EIF2B3: variants seen among roughly 807,000 people sequenced by gnomAD.
EIF2B3 encodes the protein eukaryotic translation initiation factor 2B subunit gamma.
In EIF2B3, 20 loss-of-function variants were observed where a neutral mutation model predicts 54.1. The observed-to-expected ratio is 0.37, with a 90% confidence interval of 0.26 to 0.54. The LOEUF is 0.54. EIF2B3 is among the 20% of genes least tolerant of loss of function. EIF2B3 has a pLI of 0.86. For missense variants in EIF2B3, 448 were observed against 547.8 expected (o/e 0.82, Z 1.82); for synonymous variants, 153 against 188.1 (o/e 0.81, Z 1.52).
chr1:44,930,632 C>T (rs550843737), intron 4 of EIF2B3, among the ~76,000 whole-genome samples: 1 of 152,202 alleles, frequency 6.6e-6, no homozygotes, highest in South Asian at 2.1e-4. Context: ...CTGAGGCTCT[C>T]CCTATATATT....
chr1:44,902,835 A>G (rs80215011), intron 5 of EIF2B3, among the ~76,000 whole-genome samples: 1 of 124,088 alleles, frequency 8.1e-6, no homozygotes, highest in Non-Finnish European at 1.5e-5. Flanking sequence ...TCTTTAAAAA[A>G]AAAAAAAAAA....
At chr1:44,981,330 G>C (rs1013634530) in intron 1 of EIF2B3, among the ~76,000 whole-genome samples, 153 bp from the exon 2 acceptor site, 7 of 152,120 alleles carry the variant, frequency 4.6e-5, no homozygotes, top group Non-Finnish European at 1.0e-4. Flanking sequence ...GAAAAGCTTA[G>C]CTGCAGATAA....
At chr1:44,978,260 CAT>C in intron 3 of EIF2B3, 53 bp downstream of exon 3, 7 of 1,593,312 alleles carry the variant, frequency 4.4e-6, no homozygotes, top group Non-Finnish European at 6.0e-6. Flanking sequence ...ACTGGGAAAA[CAT>C]AAGATATCAT....
At chr1:44,948,076 T>C (rs919842257) in intron 3 of EIF2B3, among the ~76,000 whole-genome samples, 5 of 152,188 alleles carry the variant, frequency 3.3e-5, no homozygotes, top group Non-Finnish European at 1.5e-5. Flanking sequence ...TTAAAATGCT[T>C]GGAAAAGATT....
chr1:44,874,807 A>G lies in EIF2B3; in HGVS notation c.1073T>C (p.Ile358Thr), dbSNP rs1157528939. 3.1e-6 allele frequency: 5 copies of G among 1,614,034 alleles called. No individual in the cohort carries two copies. Among genetic ancestry groups the G allele is most frequent in the African/African-American group, 1.3e-5 (1 of 74,898 alleles). ...SKHLVGVDSL[I>T]GPETQIGEKS... ...CTCTCCAATCTGTGTCTCTGGCCCAATGAGGCTGTCAACTCCAACCTGTAA... is the reference window on the plus strand; with the variant it reads ...CTCTCCAATCTGTGTCTCTGGCCCAGTGAGGCTGTCAACTCCAACCTGTAA... The change falls in exon 10 of 12, where the codon ATT becomes ACT. Residue 358 changes from isoleucine (I) to threonine (T), a missense_variant. Transcript: ENST00000360403.
At chr1:44,958,409 A>T (rs1644249963) in intron 3 of EIF2B3, 1 of 515,848 alleles carries the variant, frequency 1.9e-6, no homozygotes, top group Non-Finnish European at 3.5e-6. Flanking sequence ...CCAGAGAAGT[A>T]AAATTTTAAG....
intron 4 of EIF2B3, among the ~76,000 whole-genome samples, chr1:44,934,213 T>C (rs895561402): frequency 1.3e-5 from 2 of 151,398 alleles, no homozygotes; most frequent in East Asian, 2.0e-4. Flanking sequence ...CTGGCCAAGA[T>C]GGTAAAACCT....
At chr1:44,934,945 C>T (rs1048742200) in intron 4 of EIF2B3, among the ~76,000 whole-genome samples, 5 of 152,220 alleles carry the variant, frequency 3.3e-5, no homozygotes, top group Admixed American at 2.0e-4. Context: ...ACTGTACAGG[C>T]TCAGAACTGC....
chr1:44,862,844 G>A (rs990938905), intron 10 of EIF2B3, among the ~76,000 whole-genome samples: 1 of 152,036 alleles, frequency 6.6e-6, no homozygotes, highest in African/African-American at 2.4e-5. Context: ...TGATCTACCC[G>A]CCTCAGCCTC....
chr1:44,856,785 A>G (rs1488381566), intron 11 of EIF2B3, among the ~76,000 whole-genome samples: 1 of 152,126 alleles, frequency 6.6e-6, no homozygotes, highest in African/African-American at 2.4e-5. Context: ...GAATAATACC[A>G]AAAGCAATCA....
rs572456256 is a variant in EIF2B3 at position 44,937,621 on chromosome 1, C to T, written c.454+3885G>A. 1.9e-3 allele frequency among the ~76,000 whole-genome samples: 289 copies of T among 151,658 alleles called. 1 individual carries two copies. The highest frequency in any genetic ancestry group is 6.4e-3 in the African/African-American group (266 of 41,368). ...GCAGCAGACCGGGCGCGGTGGCTCA[C>T]GCCTGTAATCCCAGCACTTTGGGAG... On this transcript the variant is annotated intron_variant, in intron 4 of 11. Transcript: ENST00000360403.
intron 5 of EIF2B3, among the ~76,000 whole-genome samples, chr1:44,907,419 G>A (rs771764569): frequency 7.6e-4 from 116 of 152,154 alleles, no homozygotes; most frequent in Non-Finnish European, 1.3e-3. Flanking sequence ...TTAGCTGGGC[G>A]TGGTGGGGCG....
Position 44,926,615 on chromosome 1 carries a change from C to T in EIF2B3, c.566+13G>A, listed in dbSNP as rs999158795. On this transcript the variant is annotated intron_variant, in intron 5 of 11. Coordinates refer to ENST00000360403, the MANE Select transcript of EIF2B3 (RefSeq NM_020365.5). ...CAAGGAGAATTGCCAGAAGAAAAAA[C>T]CCTAGGGCTTACTTCTGTAGGATGG... The T allele has an allele frequency of 1.2e-6, 2 of 1,608,608 alleles. No homozygotes were observed. Among genetic ancestry groups the T allele is most frequent in the Non-Finnish European group, 1.7e-6 (2 of 1,175,478 alleles).
At chr1:44,963,845 T>C (rs1569853823) in intron 3 of EIF2B3, among the ~76,000 whole-genome samples, 1 of 152,318 alleles carries the variant, frequency 6.6e-6, no homozygotes, top group Admixed American at 6.5e-5. Context: ...TTATCACAGT[T>C]GCTAGCTAGT....
chr1:44,938,871 G>A (rs1643987256), intron 4 of EIF2B3, among the ~76,000 whole-genome samples: 1 of 148,866 alleles, frequency 6.7e-6, no homozygotes, highest in Non-Finnish European at 1.5e-5. Context: ...ACTGAGGCAG[G>A]GAGATTGCTT....
rs181989378 is a variant in EIF2B3, at chr1:44,903,880, C to T, written c.567-6436G>A. ...CCTGAGGTCAGGAGTTCGAGACCAG[C>T]CTGGCCAACATGGCAAAACCCCATC... On this transcript the variant is annotated intron_variant, in intron 5 of 11. Coordinates refer to ENST00000360403, the MANE Select transcript of EIF2B3 (RefSeq NM_020365.5). Among the ~76,000 whole-genome samples the T allele has an allele frequency of 6.6e-5, 10 of 152,248 alleles. No individual in the cohort carries two copies. The East Asian group carries it at 1.5e-3, about 24-fold the overall frequency.
chr1:44,971,462 C>A (rs1644398905), intron 3 of EIF2B3, among the ~76,000 whole-genome samples: 1 of 152,050 alleles, frequency 6.6e-6, no homozygotes, highest in African/African-American at 2.4e-5. Context: ...CTTTCCTTCT[C>A]ATGCCTTCTC....
chr1:44,889,536 T>TA lies in EIF2B3; in HGVS notation c.657-7798dup, dbSNP rs796722248. On this transcript the variant is annotated intron_variant, in intron 6 of 11. Coordinates refer to ENST00000360403, the MANE Select transcript of EIF2B3 (RefSeq NM_020365.5). ...TGGGTGACAGAGCGAGGATCCATCT[T>TA]AAAAAAAAAAAAATTAAGCTGACTT... 5.0e-3 allele frequency among the ~76,000 whole-genome samples: 728 copies of TA among 144,332 alleles called. 5 individuals carry two copies. The highest frequency in any genetic ancestry group is 0.015 in the African/African-American group (586 of 39,800). The allele number at this position is 144,332 out of a possible 152,430, so 94.7% of individuals were successfully genotyped here. A position where few individuals can be genotyped will look rare whatever the true frequency, so the allele number is the denominator to read the frequency against.
intron 5 of EIF2B3, among the ~76,000 whole-genome samples, chr1:44,909,137 G>A (rs1643467490): frequency 6.6e-6 from 1 of 152,010 alleles, no homozygotes; most frequent in Non-Finnish European, 1.5e-5. Context: ...GGATGAAGAA[G>A]GAAATGAGGG....
Sources: allele counts gnomAD v4.1 joint callset (sites outside exome capture counted in the v4.1 genomes callset), GRCh38; gene constraint gnomAD v4.1.1; transcripts MANE v1.5; gene names NCBI Gene and HGNC (gene_info 2026-07-23, HGNC 2026-07-21).